The following PCDH15 variants were observed in gnomAD, a reference collection of about 807,000 sequenced individuals.
PCDH15 encodes protocadherin related 15.
PCDH15 carries 129 observed loss-of-function variants against 178.5 expected under a neutral mutation model. The observed-to-expected ratio is 0.72, with a 90% confidence interval of 0.63 to 0.84. The LOEUF is 0.84. Ranked by LOEUF, PCDH15 falls within the 40% of genes least tolerant of loss-of-function variation. PCDH15 has a pLI of 0.00. For missense variants in PCDH15, 2,230 were observed against 2,099.9 expected (o/e 1.06, Z -1.21); for synonymous variants, 800 against 732.0 (o/e 1.09, Z -1.50).
intron 3 of PCDH15, among the ~76,000 whole-genome samples, chr10:54,818,170 C>T (rs1952977918): frequency 6.6e-6 from 1 of 151,704 alleles, no homozygotes; most frequent in South Asian, 2.1e-4. Context: ...CATTGATTAA[C>T]ATATAGTTTA....
intron 2 of PCDH15, among the ~76,000 whole-genome samples, chr10:54,580,279 G>A (rs571649238): frequency 2.7e-4 from 41 of 151,858 alleles, no homozygotes; most frequent in Non-Finnish European, 5.7e-4. Context: ...CAGAAACAAG[G>A]ATGACATTAC....
intron 2 of PCDH15, among the ~76,000 whole-genome samples, chr10:54,906,675 GTGCCCAACATTT>G (rs1954727272): frequency 6.6e-6 from 1 of 152,086 alleles, no homozygotes; most frequent in Non-Finnish European, 1.5e-5. Context: ...AGGAGAGAGA[GTGCCCAACATTT>G]TGCAAATTCA....
chr10:54,250,290 T>C (rs1338637377), intron 8 of PCDH15, among the ~76,000 whole-genome samples: 1 of 141,186 alleles, frequency 7.1e-6, no homozygotes, highest in Non-Finnish European at 1.5e-5. Context: ...TTTTTTTTTT[T>C]TGGAGACAGA....
intron 3 of PCDH15, among the ~76,000 whole-genome samples, chr10:54,449,614 G>A (rs548793157): frequency 6.6e-6 from 1 of 151,870 alleles, no homozygotes; most frequent in Admixed American, 6.6e-5. Flanking sequence ...TTTTGAGAAA[G>A]ATTCTAATAA....
At chr10:54,722,620 G>A (rs1326012017) in intron 1 of PCDH15, among the ~76,000 whole-genome samples, 3 of 150,506 alleles carry the variant, frequency 2.0e-5, no homozygotes, top group Non-Finnish European at 4.5e-5. Flanking sequence ...GTTAAATGAT[G>A]GCATAATTGT....
chr10:55,089,771 C>T (rs1842266619), intron 2 of PCDH15, among the ~76,000 whole-genome samples: 2 of 152,062 alleles, frequency 1.3e-5, no homozygotes, highest in African/African-American at 4.8e-5. Flanking sequence ...TAAATGCTTC[C>T]ATGGAAATCC....
At chr10:54,148,320 A>T (rs1035882421) in intron 14 of PCDH15, among the ~76,000 whole-genome samples, 3 of 152,070 alleles carry the variant, frequency 2.0e-5, no homozygotes, top group African/African-American at 7.2e-5. Context: ...CCATAAGGAT[A>T]CTAAAATCTG....
intron 1 of PCDH15, among the ~76,000 whole-genome samples, chr10:55,239,201 AT>A (rs1376908473): frequency 3.3e-5 from 5 of 152,046 alleles, no homozygotes; most frequent in Non-Finnish European, 5.9e-5. Context: ...GGATTTCATT[AT>A]TTTTTATAAA....
At chr10:54,706,431 A>G (rs1460793044) in intron 1 of PCDH15, among the ~76,000 whole-genome samples, 1 of 152,156 alleles carries the variant, frequency 6.6e-6, no homozygotes. Flanking sequence ...AATTGCATTG[A>G]AAACTTGAAG....
At chr10:54,425,008 T>TA (rs777958846) in intron 3 of PCDH15, among the ~76,000 whole-genome samples, 2,664 of 107,632 alleles carry the variant, frequency 0.025, 33 homozygotes, top group Middle Eastern at 0.12. Flanking sequence ...TAAAGTATAA[T>TA]AAAAAAAAAA....
At chr10:55,150,439 C>A (rs1562130) in intron 2 of PCDH15, among the ~76,000 whole-genome samples, 81,437 of 151,846 alleles carry the variant, frequency 0.54, 22,270 homozygotes, top group South Asian at 0.64. Context: ...TATTTAAAGT[C>A]CAAAATAGAG....
chr10:55,288,133 T>C (rs1454236955), intron 1 of PCDH15, among the ~76,000 whole-genome samples: 1 of 151,032 alleles, frequency 6.6e-6, no homozygotes, highest in East Asian at 1.9e-4. Context: ...TTTTTCACAT[T>C]GTAAAATGCT....
chr10:55,599,947 T>G (rs760873517), intron 2 of PCDH15: 3 of 1,519,700 alleles, frequency 2.0e-6, no homozygotes, highest in South Asian at 2.5e-5. Flanking sequence ...CCAGTGAAAT[T>G]GACCTACCTA....
At chr10:55,472,621 T>G (rs1288763066) in intron 2 of PCDH15, among the ~76,000 whole-genome samples, 2 of 152,192 alleles carry the variant, frequency 1.3e-5, no homozygotes, top group African/African-American at 4.8e-5. Context: ...CAGGCTGGAG[T>G]GCAGTGGCGC....
chr10:53,827,282 A>G, intron 32 of PCDH15, 111 bp downstream of exon 32: 1 of 1,327,716 alleles, frequency 7.5e-7, no homozygotes, highest in Non-Finnish European at 9.9e-7. Context: ...ATAATAGAAT[A>G]AAATAAATAG....
chr10:54,727,116 T>C (rs1300072946), intron 1 of PCDH15, among the ~76,000 whole-genome samples: 1 of 151,212 alleles, frequency 6.6e-6, no homozygotes, highest in Non-Finnish European at 1.5e-5. Flanking sequence ...TATCTATAGA[T>C]TTCTCCAACA....
At chr10:54,872,478 C>T (rs1276477411) in intron 3 of PCDH15, among the ~76,000 whole-genome samples, 1 of 151,992 alleles carries the variant, frequency 6.6e-6, no homozygotes, top group East Asian at 1.9e-4. Context: ...AATACTGATA[C>T]ATTTTTATAT....
chr10:54,960,262 A>G (rs1022778141), intron 2 of PCDH15, among the ~76,000 whole-genome samples: 9 of 152,186 alleles, frequency 5.9e-5, no homozygotes, highest in Non-Finnish European at 1.3e-4. Context: ...GTGTGATTAC[A>G]TATAATATAG....
At chr10:55,420,043 G>A (rs1384654621) in intron 2 of PCDH15, among the ~76,000 whole-genome samples, 1 of 151,548 alleles carries the variant, frequency 6.6e-6, no homozygotes, top group Non-Finnish European at 1.5e-5. Context: ...TCGAAAATCC[G>A]CTGGGTAGAT....
Sources: gnomAD v4.1 joint callset for allele counts (sites outside exome capture counted in the v4.1 genomes callset) on GRCh38, gnomAD v4.1.1 for gene constraint, MANE v1.5 for transcripts, NCBI Gene and HGNC (gene_info 2026-07-23, HGNC 2026-07-21) for gene names.